The following GPCPD1 variants were observed in gnomAD, a reference collection of about 807,000 sequenced individuals.
GPCPD1 encodes the protein glycerophosphocholine phosphodiesterase 1, also known as glycerophosphocholine phosphodiesterase GPCPD1.
GPCPD1 carries 29 observed loss-of-function variants against 89.2 expected under a neutral mutation model. The ratio of observed to expected loss-of-function variants is 0.33; its 90% CI spans 0.24 to 0.44. GPCPD1 has a LOEUF of 0.44. GPCPD1 is among the 20% of genes least tolerant of loss of function. The pLI is 1.00. For missense variants in GPCPD1, 594 were observed against 808.9 expected, an observed-to-expected ratio of 0.73 and a Z score of 3.22; for synonymous variants, 258 against 266.3, an observed-to-expected ratio of 0.97 and a Z score of 0.30.
At chr20:5,603,303 T>C (rs191965973) in intron 2 of GPCPD1, among the ~76,000 whole-genome samples, 20 of 152,034 alleles carry the variant, frequency 1.3e-4, no homozygotes, top group African/African-American at 4.8e-4. Flanking sequence ...AAAAAAAAAG[T>C]AATGTTTTCA....
At chr20:5,581,086 C>G (rs1180856676) in intron 6 of GPCPD1, among the ~76,000 whole-genome samples, 1 of 151,990 alleles carries the variant, frequency 6.6e-6, no homozygotes. Context: ...CCAAGCTGGT[C>G]TCAAACTCCT....
chr20:5,558,712 A>T lies in GPCPD1; in HGVS notation c.1640T>A (p.Met547Lys), dbSNP rs759361971. Residue 547 changes from methionine (M) to lysine (K), a missense_variant, in exon 18 of 20, where the codon ATG becomes AAG. Transcript: ENST00000379019. ...DLRSRTTPIA[M>K]SFAQFENLLG... Reference sequence around the variant, plus strand: ...TAGATTTTCAAACTGTGCAAAGCTCATTGCAATGGGGGTTGTCCGAGATCT... The same window carrying T: ...TAGATTTTCAAACTGTGCAAAGCTCTTTGCAATGGGGGTTGTCCGAGATCT... 1.3e-6 allele frequency: 2 copies of T among 1,594,864 alleles called. No individual in the cohort carries two copies. Among genetic ancestry groups the T allele is most frequent in the Non-Finnish European group, 8.5e-7 (1 of 1,170,986 alleles).
At chr20:5,555,488 G>A (rs573898649) in intron 19 of GPCPD1, among the ~76,000 whole-genome samples, 4 of 152,120 alleles carry the variant, frequency 2.6e-5, no homozygotes, top group East Asian at 3.9e-4. Flanking sequence ...GCAGTGAGCC[G>A]AGATTGTGCC....
chr20:5,590,344 C>T (rs1268424094), intron 4 of GPCPD1, among the ~76,000 whole-genome samples: 1 of 151,736 alleles, frequency 6.6e-6, no homozygotes, highest in Non-Finnish European at 1.5e-5. Flanking sequence ...AGTTTGAGAC[C>T]AGCCTGGCTA....
chr20:5,558,926 G>C (rs1053294663), intron 17 of GPCPD1, 107 bp from the exon 18 acceptor site: 69 of 791,506 alleles, frequency 8.7e-5, no homozygotes, highest in Non-Finnish European at 1.2e-4. Context: ...AACGAGGCCG[G>C]GCATGGTGGC....
At chr20:5,600,912 C>A (rs1980087140) in intron 2 of GPCPD1, among the ~76,000 whole-genome samples, 1 of 152,074 alleles carries the variant, frequency 6.6e-6, no homozygotes, top group South Asian at 2.1e-4. Flanking sequence ...ATCGCTTGAA[C>A]CTGGCAGGTG....
chr20:5,604,774 T>TACACACAC (rs11466989), intron 1 of GPCPD1, among the ~76,000 whole-genome samples: 17,062 of 139,008 alleles, frequency 0.12, 1,200 homozygotes, highest in African/African-American at 0.17. Flanking sequence ...GCCTCATGTC[T>TACACACAC]ACACACACAC....
At chr20:5,549,699 T>C (rs919558910) in intron 19 of GPCPD1, among the ~76,000 whole-genome samples, 1 of 144,596 alleles carries the variant, frequency 6.9e-6, no homozygotes, top group East Asian at 2.0e-4. Context: ...GAGCTGAGAT[T>C]GTGCCACTGC....
chr20:5,597,501 A>G, intron 3 of GPCPD1, among the ~76,000 whole-genome samples: 1 of 152,204 alleles, frequency 6.6e-6, no homozygotes, highest in Non-Finnish European at 1.5e-5. Context: ...TATTTCTCAC[A>G]TCATGGATTG....
intron 4 of GPCPD1, among the ~76,000 whole-genome samples, chr20:5,588,488 G>A (rs1462107008): frequency 5.3e-5 from 8 of 151,970 alleles, no homozygotes; most frequent in African/African-American, 1.7e-4. Flanking sequence ...GTGGGCGACA[G>A]AGTGAGACTC....
At chr20:5,601,803 G>A (rs1275350016) in intron 2 of GPCPD1, among the ~76,000 whole-genome samples, 1 of 152,154 alleles carries the variant, frequency 6.6e-6, no homozygotes. Flanking sequence ...GGACTCAGTG[G>A]TTCACTTGCC....
chr20:5,560,866 C>T (rs1223937811), intron 16 of GPCPD1, among the ~76,000 whole-genome samples: 1 of 152,162 alleles, frequency 6.6e-6, no homozygotes. Flanking sequence ...TGCACATATT[C>T]TCTCTGATAT....
chr20:5,565,170 AAG>A (rs773778878), intron 14 of GPCPD1, 92 bp from the exon 15 acceptor site: 88 of 744,554 alleles, frequency 1.2e-4, no homozygotes, highest in Middle Eastern at 2.4e-4. Flanking sequence ...AAAACAGGGA[AAG>A]AGAGAGAGAG....
chr20:5,578,082 C>T (rs1421460723), intron 8 of GPCPD1, among the ~76,000 whole-genome samples: 2 of 152,214 alleles, frequency 1.3e-5, no homozygotes. Flanking sequence ...GCCCTGGTCT[C>T]TATTTACCAC....
intron 16 of GPCPD1, among the ~76,000 whole-genome samples, chr20:5,560,623 T>C (rs1041913273): frequency 1.1e-4 from 16 of 152,140 alleles, no homozygotes; most frequent in African/African-American, 3.9e-4. Context: ...CTGAAATAAT[T>C]CTAGAAGCTC....
chr20:5,583,706 C>A (rs904781787), intron 6 of GPCPD1, among the ~76,000 whole-genome samples: 1 of 152,196 alleles, frequency 6.6e-6, no homozygotes, highest in African/African-American at 2.4e-5. Flanking sequence ...TTTGGTTAGT[C>A]TGAATTTTAC....
chr20:5,604,570 G>A, intron 1 of GPCPD1, 130 bp from the exon 2 acceptor site: 2 of 194,196 alleles, frequency 1.0e-5, no homozygotes, highest in Non-Finnish European at 2.1e-5. Context: ...GCAGTTTTAT[G>A]GTGGGATTGT....
chr20:5,599,439 C>T (rs1437312862), intron 2 of GPCPD1, among the ~76,000 whole-genome samples: 1 of 152,044 alleles, frequency 6.6e-6, no homozygotes, highest in Non-Finnish European at 1.5e-5. Flanking sequence ...TATACTCCAG[C>T]CTGGGCAACA....
intron 12 of GPCPD1, 126 bp from the exon 13 acceptor site, chr20:5,567,686 G>A (rs190240844): frequency 9.8e-5 from 86 of 874,978 alleles, no homozygotes; most frequent in Non-Finnish European, 1.4e-4. Flanking sequence ...ACTCAACAAT[G>A]AGAATAACTG....
Sources: gnomAD v4.1 joint callset for allele counts (sites outside exome capture counted in the v4.1 genomes callset) on GRCh38, gnomAD v4.1.1 for gene constraint, MANE v1.5 for transcripts, NCBI Gene and HGNC (gene_info 2026-07-23, HGNC 2026-07-21) for gene names.